SHANK2: variants seen among roughly 807,000 people sequenced by gnomAD.
SHANK2 encodes the protein SH3 and multiple ankyrin repeat domains protein 2.
Under a neutral mutation model 133.7 loss-of-function variants are expected in SHANK2, and 43 were observed. The ratio of observed to expected loss-of-function variants is 0.32; its 90% CI spans 0.25 to 0.41. The LOEUF is 0.41. Among genes scored for constraint, SHANK2 ranks in the 10% least tolerant of loss-of-function variants. The probability of loss-of-function intolerance (pLI) is 1.00; values close to 1 mark genes in which losing one functional copy is unlikely to be tolerated. For missense variants in SHANK2, 1,994 were observed against 2,235.8 expected (o/e 0.89, Z 2.18); for synonymous variants, 1,017 against 952.8 (o/e 1.07, Z -1.24).
rs1951922927 is a variant in SHANK2, at chr11:71,113,333, G to A, written c.443C>T (p.Ala148Val). 1.3e-6 allele frequency: 2 copies of A among 1,551,590 alleles called. No homozygotes were observed. Among genetic ancestry groups the A allele is most frequent in the Non-Finnish European group, 1.7e-6 (2 of 1,147,014 alleles). ...GGCCAACTGTTTCTCATCGAGACTG[G>A]CTTGTTTATACACCCGCTTCTTGTA... Reference protein sequence around the residue: ...FRYKKRVYKQASLDEKQLAKL... With the variant: ...FRYKKRVYKQVSLDEKQLAKL... The change falls in exon 5 of 26, where the codon GCC (alanine) becomes GTC (valine). Residue 148 changes from alanine (A) to valine (V), a missense_variant. By Grantham distance (64) the Ala-to-Val change is moderately conservative (BLOSUM62 0). This residue lies in a region of SHANK2 where 653 missense variants were observed against 563.4 expected (regional missense o/e 1.16). Transcript: ENST00000601538.
chr11:70,850,296 C>T (rs782624699), intron 11 of SHANK2, among the ~76,000 whole-genome samples: 2 of 152,198 alleles, frequency 1.3e-5, no homozygotes, highest in Non-Finnish European at 2.9e-5. Flanking sequence ...GAAACTTGAA[C>T]CTAGAGATGT....
chr11:70,690,488 GTTTTTTTTTT>G (rs35737323), intron 15 of SHANK2, among the ~76,000 whole-genome samples: 199 of 32,794 alleles, frequency 6.1e-3, no homozygotes, highest in Admixed American at 0.013. Flanking sequence ...TACTTCCCAT[GTTTTTTTTTT>G]TTTTTTTTTT....
At chr11:70,607,430 A>G (rs2060593482) in intron 17 of SHANK2, among the ~76,000 whole-genome samples, 2 of 152,038 alleles carry the variant, frequency 1.3e-5, no homozygotes, top group Admixed American at 1.3e-4. Flanking sequence ...GTCTTCCCGG[A>G]AGTCAGAGGT....
At chr11:71,115,585 C>T (rs187883255) in intron 4 of SHANK2, among the ~76,000 whole-genome samples, 6 of 152,330 alleles carry the variant, frequency 3.9e-5, no homozygotes, top group Non-Finnish European at 4.4e-5. Context: ...ACAACGCACA[C>T]ACTGCTCCAT....
At chr11:71,102,270 T>C (rs1199044859) in intron 6 of SHANK2, among the ~76,000 whole-genome samples, 1 of 152,132 alleles carries the variant, frequency 6.6e-6, no homozygotes, top group Non-Finnish European at 1.5e-5. Flanking sequence ...TTTTTTTTTT[T>C]TACACTACTT....
At chr11:70,782,595 T>G (rs1565312459) in intron 14 of SHANK2, among the ~76,000 whole-genome samples, 1 of 152,354 alleles carries the variant, frequency 6.6e-6, no homozygotes, top group East Asian at 1.9e-4. Context: ...CAAACCACGC[T>G]GTGGGAGCAG....
At chr11:70,691,718 C>T (rs7926849) in intron 15 of SHANK2, among the ~76,000 whole-genome samples, 53,747 of 151,946 alleles carry the variant, frequency 0.35, 10,509 homozygotes, top group Non-Finnish European at 0.45. Context: ...ATGGTGAAAC[C>T]CCGTCTCTAC....
chr11:70,562,940 C>T (rs2059924988), intron 17 of SHANK2, among the ~76,000 whole-genome samples: 1 of 152,150 alleles, frequency 6.6e-6, no homozygotes, highest in Non-Finnish European at 1.5e-5. Context: ...GGCACGATCT[C>T]GGCTCACTGC....
intron 25 of SHANK2, among the ~76,000 whole-genome samples, chr11:70,484,231 C>G (rs2058772137): frequency 6.6e-6 from 1 of 152,180 alleles, no homozygotes; most frequent in South Asian, 2.1e-4. Flanking sequence ...GTGTTCCCAC[C>G]CAAATCTCAT....
chr11:70,506,211 C>T (rs2059135410), intron 17 of SHANK2, among the ~76,000 whole-genome samples: 1 of 152,222 alleles, frequency 6.6e-6, no homozygotes, highest in African/African-American at 2.4e-5. Flanking sequence ...GGTGCACGTT[C>T]TGGTGGCACC....
intron 17 of SHANK2, among the ~76,000 whole-genome samples, chr11:70,547,374 C>A (rs2059708699): frequency 6.6e-6 from 1 of 152,168 alleles, no homozygotes. Context: ...GATTCTCCTG[C>A]CTCTGCCTTC....
intron 2 of SHANK2, among the ~76,000 whole-genome samples, chr11:71,174,139 T>C (rs1953372715): frequency 6.6e-6 from 1 of 152,228 alleles, no homozygotes; most frequent in Non-Finnish European, 1.5e-5. Context: ...TCAAGTCTCA[T>C]CCTGATATCT....
chr11:70,476,157 G>T (rs1442904069), intron 25 of SHANK2, among the ~76,000 whole-genome samples: 5 of 152,178 alleles, frequency 3.3e-5, no homozygotes, highest in African/African-American at 1.2e-4. Flanking sequence ...GAACCCAGGA[G>T]GCGGAGGTTG....
intron 14 of SHANK2, among the ~76,000 whole-genome samples, chr11:70,792,292 CAAT>C (rs1947807503): frequency 7.7e-6 from 1 of 130,034 alleles, no homozygotes; most frequent in African/African-American, 2.8e-5. Context: ...GCCAAGCAAT[CAAT>C]CAACCAACCA....
intron 3 of SHANK2, among the ~76,000 whole-genome samples, chr11:71,132,745 A>C (rs1246792860): frequency 6.6e-6 from 1 of 152,218 alleles, no homozygotes; most frequent in Non-Finnish European, 1.5e-5. Context: ...CGTGAATAAT[A>C]ACCAATATGA....
At chr11:70,744,384 T>C (rs1555035487) in intron 14 of SHANK2, among the ~76,000 whole-genome samples, 2 of 152,136 alleles carry the variant, frequency 1.3e-5, no homozygotes, top group African/African-American at 4.8e-5. Flanking sequence ...CCCTCCTTCC[T>C]CACCTCTAAG....
intron 14 of SHANK2, among the ~76,000 whole-genome samples, chr11:70,729,633 T>C (rs1946243234): frequency 6.6e-6 from 1 of 151,486 alleles, no homozygotes; most frequent in Non-Finnish European, 1.5e-5. Flanking sequence ...CACGCCATTC[T>C]CCTGCTTCAG....
chr11:70,837,975 C>CAAAAAAAAAAAAAAAAAAAAAAAAAAA (rs55862093), intron 11 of SHANK2, among the ~76,000 whole-genome samples: 2 of 25,178 alleles, frequency 7.9e-5, no homozygotes, highest in African/African-American at 1.3e-4. Context: ...CATTCTGTCT[C>CAAAAAAAAAAAAAAAAAAAAAAAAAAA]AAAAAAAAAA....
rs957475909 is a variant in SHANK2 at position 70,644,578 on chromosome 11, G to A, written c.2061+15250C>T. On this transcript the variant is annotated intron_variant, in intron 17 of 25. Transcript: ENST00000601538. The stretch of plus-strand genomic sequence containing the variant: ...CAAGGGCAGGACCAGCAGCCCTCCC[G>A]CATGGCAGCTCCCGCCTGCTGCAAA... 2.4e-4 allele frequency among the ~76,000 whole-genome samples: 36 copies of A among 152,310 alleles called. 1 individual carries two copies. The highest frequency in any genetic ancestry group is 8.7e-4 in the African/African-American group (36 of 41,560).
Sources: allele counts gnomAD v4.1 joint callset (sites outside exome capture counted in the v4.1 genomes callset), GRCh38; gene constraint gnomAD v4.1.1; regional missense constraint gnomAD v4.1.1; transcripts MANE v1.5; gene names NCBI Gene and HGNC (gene_info 2026-07-23, HGNC 2026-07-21).